The following CLSTN1 variants were observed in gnomAD, a reference collection of about 807,000 sequenced individuals.
CLSTN1 encodes calsyntenin-1.
Under a neutral mutation model 108.3 loss-of-function variants are expected in CLSTN1, and 28 were observed. The observed-to-expected ratio is 0.26, with a 90% confidence interval of 0.19 to 0.35. CLSTN1 has a LOEUF of 0.35. Ranked by LOEUF, CLSTN1 falls within the 10% of genes least tolerant of loss-of-function variation. The pLI is 1.00. For missense variants in CLSTN1, 1,157 were observed against 1,302.6 expected (o/e 0.89, Z 1.72); for synonymous variants, 524 against 534.9 (o/e 0.98, Z 0.28).
chr1:9,797,687 G>A (rs1179835209), intron 1 of CLSTN1, among the ~76,000 whole-genome samples: 2 of 152,058 alleles, frequency 1.3e-5, no homozygotes, highest in African/African-American at 2.4e-5. Context: ...TGGAAACAAA[G>A]TGACATGAAA....
intron 2 of CLSTN1, among the ~76,000 whole-genome samples, chr1:9,758,008 G>C (rs915775881): frequency 6.6e-6 from 1 of 151,996 alleles, no homozygotes; most frequent in Non-Finnish European, 1.5e-5. Context: ...TTGTTTTGGG[G>C]GGGGGTGGGA....
chr1:9,763,259 G>GC (rs560040875), intron 2 of CLSTN1, among the ~76,000 whole-genome samples: 108 of 152,240 alleles, frequency 7.1e-4, no homozygotes, highest in Admixed American at 2.1e-3. Flanking sequence ...ACTGCACCCG[G>GC]CCTAGGATAC....
intron 1 of CLSTN1, among the ~76,000 whole-genome samples, chr1:9,778,430 T>C (rs180984019): frequency 1.3e-3 from 202 of 152,336 alleles, no homozygotes; most frequent in African/African-American, 4.6e-3. Context: ...ATGGAGAAGA[T>C]AGCTTTGGAG....
chr1:9,807,127 T>C (rs1452887110), intron 1 of CLSTN1, among the ~76,000 whole-genome samples: 1 of 151,936 alleles, frequency 6.6e-6, no homozygotes, highest in African/African-American at 2.4e-5. Flanking sequence ...GCTCAGCAAT[T>C]CCTCCAAGTG....
At chr1:9,756,625 G>A (rs966832481) in intron 2 of CLSTN1, 115 bp from the exon 3 acceptor site, 3 of 812,210 alleles carry the variant, frequency 3.7e-6, no homozygotes, top group Admixed American at 4.7e-5. Flanking sequence ...CAAGCTCAGC[G>A]ACCGGCTTCT....
At chr1:9,801,785 A>C (rs2101273471) in intron 1 of CLSTN1, among the ~76,000 whole-genome samples, 1 of 152,142 alleles carries the variant, frequency 6.6e-6, no homozygotes, top group Non-Finnish European at 1.5e-5. Flanking sequence ...CGAACTCCGG[A>C]GCTCAGGTGA....
Position 9,805,207 on chromosome 1 carries a change from G to A in CLSTN1, c.91+18436C>T, listed in dbSNP as rs376620247. On this transcript the variant is annotated intron_variant, in intron 1 of 18. Transcript: ENST00000377298. ...AAAAAGTTGAACTAACTCTCATTTC[G>A]TTTTTAAGCAAGTAAATCACTAGTA... Among the ~76,000 whole-genome samples the A allele has an allele frequency of 6.6e-5, 10 of 152,120 alleles. No individual in the cohort carries two copies. The South Asian group carries it at 8.3e-4, about 13-fold the overall frequency.
chr1:9,811,389 A>G (rs1049144708), intron 1 of CLSTN1, among the ~76,000 whole-genome samples: 1 of 152,236 alleles, frequency 6.6e-6, no homozygotes, highest in East Asian at 1.9e-4. Flanking sequence ...ACACTTGGGC[A>G]TGGACTTTTT....
chr1:9,782,563 G>A (rs536670438), intron 1 of CLSTN1, among the ~76,000 whole-genome samples: 9 of 152,262 alleles, frequency 5.9e-5, no homozygotes, highest in African/African-American at 1.9e-4. Context: ...TTCAGGATAT[G>A]ACTCATTTTT....
intron 9 of CLSTN1, 116 bp downstream of exon 9, chr1:9,743,768 G>A: frequency 2.6e-6 from 3 of 1,142,742 alleles, no homozygotes; most frequent in Non-Finnish European, 3.8e-6. Flanking sequence ...ATGTTGCCCA[G>A]GCTGGTCTCG....
At position 9,729,297 on chromosome 1, in the gene CLSTN1, T is replaced by C. The variant is rs538434107; in HGVS notation, c.*1211A>G. 2 of 152,722 alleles carry C rather than the reference T, an allele frequency of 1.3e-5. No homozygotes were observed. The highest frequency in any genetic ancestry group is 2.9e-5 in the Non-Finnish European group (2 of 68,026). 9.5% of individuals were successfully genotyped at this position (152,722 alleles called of 1,614,324 possible). On this transcript the variant is annotated 3_prime_UTR_variant, in exon 19 of 19. Coordinates refer to ENST00000377298, the MANE Select transcript of CLSTN1 (RefSeq NM_001009566.3). ...TGTTTTAGAAATCTAAAATTTTACA[T>C]GTAACTAAGAGCAAAGTGCTATGTG...
chr1:9,768,127 G>A (rs953448418), intron 2 of CLSTN1, among the ~76,000 whole-genome samples: 4 of 152,144 alleles, frequency 2.6e-5, no homozygotes, highest in African/African-American at 7.2e-5. Flanking sequence ...CTGGTCCCTC[G>A]GCTCTAGGGT....
Position 9,734,071 on chromosome 1 carries a change from C to T in CLSTN1, c.2182G>A (p.Glu728Lys), listed in dbSNP as rs1363601731. Residue 728 changes from glutamate to lysine, a missense_variant, in exon 15 of 19, where the codon GAG becomes AAG. By Grantham distance (56) the Glu-to-Lys change is moderately conservative. Coordinates refer to ENST00000377298, the MANE Select transcript of CLSTN1 (RefSeq NM_001009566.3). This position sits in a 1 kb window ranked among gnomAD's most constrained non-coding sequence, Gnocchi z 4.8. ...DTCEVTVEGE[E>K]LNHEQESLEV... ...AGGCTCTCCTGCTCGTGGTTCAGCTCCTCTCCCTCCACCGTGACCTCACAG... is the reference window on the plus strand; with the variant it reads ...AGGCTCTCCTGCTCGTGGTTCAGCTTCTCTCCCTCCACCGTGACCTCACAG... The T allele has an allele frequency of 6.2e-7, 1 of 1,614,162 alleles. No individual in the cohort carries two copies. The highest frequency in any genetic ancestry group is 2.2e-5 in the East Asian group (1 of 44,864).
At chr1:9,740,697 G>A (rs1650935658) in intron 10 of CLSTN1, among the ~76,000 whole-genome samples, 1 of 152,166 alleles carries the variant, frequency 6.6e-6, no homozygotes, top group South Asian at 2.1e-4. Flanking sequence ...GAGTCCTCCA[G>A]GTCCAAGGCG....
chr1:9,784,648 G>A (rs1308387518), intron 1 of CLSTN1, among the ~76,000 whole-genome samples: 3 of 152,326 alleles, frequency 2.0e-5, no homozygotes, highest in African/African-American at 7.2e-5. Flanking sequence ...AATCCTAGAT[G>A]ATGTTACAGG....
rs751897801 is a variant in CLSTN1, at chr1:9,729,146, G to A, written c.*1362C>T. On this transcript the variant is annotated 3_prime_UTR_variant, in exon 19 of 19. Coordinates refer to ENST00000377298, the MANE Select transcript of CLSTN1 (RefSeq NM_001009566.3). ...GGACATCCCCTGGGCGTGAGCGTCT[G>A]TCCGCTGTCTAAACAGAGCAGCTAC... The A allele has an allele frequency of 3.3e-5, 5 of 152,256 alleles. No individual in the cohort carries two copies. Among genetic ancestry groups the A allele is most frequent in the Non-Finnish European group, 7.3e-5 (5 of 68,058 alleles). The allele number at this position is 152,256 out of a possible 1,614,324, so 9.4% of individuals were successfully genotyped here.
Position 9,741,115 on chromosome 1 carries a change from C to T in CLSTN1, c.1498G>A (p.Val500Met), listed in dbSNP as rs751480577. Residue 500 changes from valine (V) to methionine (M), a missense_variant, in exon 10 of 19, where the codon GTG becomes ATG. Transcript: ENST00000377298. The stretch of plus-strand genomic sequence containing the variant: ...GTACCTTGCCAGCAAGCCCCCACCA[C>T]GAGCTGAGTTTCTATCTTGGATGGA... ...LHPSKIETQLVVGACWQEFSG... is the reference protein window; with the variant it reads ...LHPSKIETQLMVGACWQEFSG... 9.9e-6 allele frequency: 16 copies of T among 1,613,498 alleles called. No individual in the cohort carries two copies. The highest frequency in any genetic ancestry group is 2.7e-5 in the African/African-American group (2 of 74,896).
At chr1:9,748,132 G>A (rs1011611986) in intron 7 of CLSTN1, among the ~76,000 whole-genome samples, 1 of 151,980 alleles carries the variant, frequency 6.6e-6, no homozygotes, top group Non-Finnish European at 1.5e-5. Flanking sequence ...AATGCTCCCT[G>A]AAAAGCTGTT....
intron 1 of CLSTN1, among the ~76,000 whole-genome samples, chr1:9,797,939 C>G (rs371883129): frequency 1.3e-5 from 2 of 150,858 alleles, no homozygotes; most frequent in African/African-American, 4.9e-5. Flanking sequence ...ACTAAAAATC[C>G]AAAAATTAGC....
Sources: allele counts gnomAD v4.1 joint callset (sites outside exome capture counted in the v4.1 genomes callset), GRCh38; gene constraint gnomAD v4.1.1; non-coding constraint Gnocchi (gnomAD v3.1); transcripts MANE v1.5; gene names NCBI Gene and HGNC (gene_info 2026-07-23, HGNC 2026-07-21).